The following NEBL variants were observed in gnomAD, a reference collection of about 807,000 sequenced individuals.
NEBL encodes LIM and SH3 protein 2.
Under a neutral mutation model 140.2 loss-of-function variants are expected in NEBL, and 122 were observed. The ratio of observed to expected loss-of-function variants is 0.87; its 90% CI spans 0.75 to 1.01. The LOEUF (loss-of-function observed/expected upper bound fraction) is 1.01, where lower values mean the gene tolerates loss of function less well. Among genes scored for constraint, NEBL ranks in the 50% least tolerant of loss-of-function variants. The probability of loss-of-function intolerance (pLI) is 0.00; values close to 1 mark genes in which losing one functional copy is unlikely to be tolerated. For synonymous variants in NEBL, 436 were observed against 398.9 expected, an observed-to-expected ratio of 1.09 and a Z score of -1.11; for missense variants, 1,365 against 1,231.3, an observed-to-expected ratio of 1.11 and a Z score of -1.62.
intron 1 of NEBL, among the ~76,000 whole-genome samples, chr10:21,266,678 C>T (rs1182658356): frequency 3.3e-5 from 5 of 152,198 alleles, no homozygotes; most frequent in Non-Finnish European, 5.9e-5. Flanking sequence ...GCCTGTGTCT[C>T]TTTTCAAACA....
chr10:20,885,686 CA>C (rs1403596351), intron 4 of NEBL, among the ~76,000 whole-genome samples: 1 of 152,188 alleles, frequency 6.6e-6, no homozygotes, highest in African/African-American at 2.4e-5. Context: ...GTTACCTTCC[CA>C]AGGAAGTATA....
intron 3 of NEBL, among the ~76,000 whole-genome samples, chr10:21,000,107 G>A (rs1837831413): frequency 1.3e-5 from 2 of 150,040 alleles, no homozygotes; most frequent in South Asian, 2.1e-4. Flanking sequence ...CACCATCTTC[G>A]GTGAATCTAG....
In NEBL at chr10:21,076,444, CAAAAAAAAAAAAAAAAAAA is replaced by C. The variant is rs56013237; in HGVS notation, c.165-56262_165-56244del. On this transcript the variant is annotated intron_variant, in intron 2 of 6. Transcript: ENST00000417816. Reference sequence around the variant, plus strand: ...TGGGCAACAGAGAGAGACTCAGTTTCAAAAAAAAAAAAAAAAAAAAAAAAAAAAAAGAATTACCACACAA... The same window carrying C: ...TGGGCAACAGAGAGAGACTCAGTTTCAAAAAAAAAAAGAATTACCACACAA... Among the ~76,000 whole-genome samples the C allele has an allele frequency of 1.4e-4, 7 of 50,070 alleles. No homozygotes were observed. The East Asian group carries it at 2.9e-3, about 21-fold the overall frequency. 32.8% of individuals were successfully genotyped at this position (50,070 alleles called of 152,430 possible). A position where few individuals can be genotyped will look rare whatever the true frequency, so the allele number is the denominator to read the frequency against.
At chr10:21,100,546 C>G (rs1426537042) in intron 2 of NEBL, among the ~76,000 whole-genome samples, 9 of 152,194 alleles carry the variant, frequency 5.9e-5, no homozygotes, top group Non-Finnish European at 1.3e-4. Context: ...GGGCTGACCT[C>G]TGTGCAATCA....
chr10:20,978,369 GC>G (rs1240264318), intron 3 of NEBL, among the ~76,000 whole-genome samples: 1 of 151,518 alleles, frequency 6.6e-6, no homozygotes, highest in Non-Finnish European at 1.5e-5. Context: ...AATATACAAG[GC>G]CATTTGTGAG....
chr10:20,851,320 T>C (rs1215905093), intron 10 of NEBL, among the ~76,000 whole-genome samples: 1 of 152,126 alleles, frequency 6.6e-6, no homozygotes, highest in East Asian at 1.9e-4. Context: ...ATGTTAATGA[T>C]AATTCAACCC....
At chr10:21,014,824 C>T (rs1838490057) in intron 3 of NEBL, among the ~76,000 whole-genome samples, 1 of 152,178 alleles carries the variant, frequency 6.6e-6, no homozygotes, top group Admixed American at 6.5e-5. Flanking sequence ...CTATTATGTT[C>T]CCTATAAAAA....
Position 20,858,297 on chromosome 10 carries a change from A to G in NEBL, c.846T>C (p.Asp282=). The change falls in exon 9 of 28, where the codon GAT becomes GAC. Residue 282 remains aspartate (D), a synonymous_variant. Coordinates refer to ENST00000377122, the MANE Select transcript of NEBL (RefSeq NM_006393.3). ...DIQNMHDPVS[D]LPNLLFLDHV... is the part of the protein sequence containing the mutation. ...GGTCTAAAAACAACAAATTTGGGAGATCTGAAACTGGATCATGCATATTTT... is the reference window on the plus strand; with the variant it reads ...GGTCTAAAAACAACAAATTTGGGAGGTCTGAAACTGGATCATGCATATTTT... 6.2e-7 allele frequency: 1 copy of G among 1,611,742 alleles called. No individual in the cohort carries two copies.
At chr10:21,283,216 G>C (rs1843014097) in intron 1 of NEBL, among the ~76,000 whole-genome samples, 1 of 151,762 alleles carries the variant, frequency 6.6e-6, no homozygotes, top group African/African-American at 2.4e-5. Flanking sequence ...AGTGACCTCT[G>C]GTTGTCCTCA....
At chr10:21,166,269 A>G (rs1296082323) in intron 2 of NEBL, among the ~76,000 whole-genome samples, 2 of 150,672 alleles carry the variant, frequency 1.3e-5, no homozygotes, top group East Asian at 1.9e-4. Flanking sequence ...AATTTTCTAC[A>G]TCATGATCCA....
chr10:21,000,228 C>A (rs1216362923), intron 3 of NEBL, among the ~76,000 whole-genome samples: 4 of 104,370 alleles, frequency 3.8e-5, no homozygotes, highest in African/African-American at 1.2e-4. Flanking sequence ...CATGGGGGGC[C>A]AGAGGGGGGC....
intron 2 of NEBL, among the ~76,000 whole-genome samples, chr10:21,125,198 A>ACACACG (rs968140353): frequency 3.3e-5 from 5 of 151,052 alleles, no homozygotes; most frequent in African/African-American, 1.2e-4. Context: ...TCACAGGCAC[A>ACACACG]CACACGCACA....
At chr10:20,796,458 A>G (rs1436543999) in intron 26 of NEBL, among the ~76,000 whole-genome samples, 1 of 150,820 alleles carries the variant, frequency 6.6e-6, no homozygotes, top group Non-Finnish European at 1.5e-5. Context: ...ACACAACATT[A>G]GTTGTATTTT....
chr10:21,097,982 T>C (rs964860613), intron 2 of NEBL, among the ~76,000 whole-genome samples: 1 of 152,212 alleles, frequency 6.6e-6, no homozygotes, highest in African/African-American at 2.4e-5. Flanking sequence ...TGAACATTCG[T>C]AATAATCTCC....
At chr10:20,855,077 G>T (rs1400706875) in intron 9 of NEBL, among the ~76,000 whole-genome samples, 3 of 151,840 alleles carry the variant, frequency 2.0e-5, no homozygotes, top group Non-Finnish European at 4.4e-5. Context: ...TACGAAATTA[G>T]CTGGGAGTGG....
At chr10:20,992,765 CTTTTTTTTTTTT>C (rs35627113) in intron 3 of NEBL, among the ~76,000 whole-genome samples, 1 of 52,452 alleles carries the variant, frequency 1.9e-5, no homozygotes, top group Non-Finnish European at 3.2e-5. Context: ...ACTACAAAGT[CTTTTTTTTTTTT>C]TTTTTTTTTT....
chr10:21,085,698 A>C (rs1836592778), intron 2 of NEBL, among the ~76,000 whole-genome samples: 1 of 152,174 alleles, frequency 6.6e-6, no homozygotes, highest in South Asian at 2.1e-4. Flanking sequence ...TAATTAATAC[A>C]TTAAAGCAAT....
At chr10:21,095,425 A>G (rs1837141049) in intron 2 of NEBL, among the ~76,000 whole-genome samples, 1 of 152,244 alleles carries the variant, frequency 6.6e-6, no homozygotes, top group South Asian at 2.1e-4. Context: ...GTAGAATTTT[A>G]AAATTCTAAA....
intron 3 of NEBL, among the ~76,000 whole-genome samples, chr10:21,234,825 G>C (rs1312514959): frequency 1.3e-5 from 2 of 151,538 alleles, no homozygotes; most frequent in African/African-American, 2.4e-5. Context: ...TGAAGTTTCA[G>C]AACACTTAAG....
Sources: gnomAD v4.1 joint callset for allele counts (sites outside exome capture counted in the v4.1 genomes callset) on GRCh38, gnomAD v4.1.1 for gene constraint, MANE v1.5 for transcripts, NCBI Gene and HGNC (gene_info 2026-07-23, HGNC 2026-07-21) for gene names.